The following RBM26 variants were observed in gnomAD, a reference collection of about 807,000 sequenced individuals.
RBM26 encodes the protein RNA binding motif protein 26.
A neutral mutation model predicts 123.6 loss-of-function variants in RBM26; 30 were observed. The observed-to-expected ratio is 0.24, with a 90% confidence interval of 0.18 to 0.33. The LOEUF is 0.33. Among genes scored for constraint, RBM26 ranks in the 10% least tolerant of loss-of-function variants. The pLI is 1.00. For synonymous variants in RBM26, 400 were observed against 404.4 expected (o/e 0.99, Z 0.13); for missense variants, 947 against 1,203.6 (o/e 0.79, Z 3.15).
Position 79,319,018 on chromosome 13 carries a change from A to C in RBM26, c.*1603T>G. ...CTTTTTGAGCAAAGTCACTATTTTGACAACTGAAATCTGATTTTGAAATTT... is the reference window on the plus strand; with the variant it reads ...CTTTTTGAGCAAAGTCACTATTTTGCCAACTGAAATCTGATTTTGAAATTT... On this transcript the variant is annotated 3_prime_UTR_variant, in exon 22 of 22. Coordinates refer to ENST00000438737, the MANE Select transcript of RBM26 (RefSeq NM_001366735.2). The C allele has an allele frequency of 1.0e-6, 1 of 983,208 alleles. No homozygotes were observed. The allele number at this position is 983,208 out of a possible 1,614,324, so 60.9% of individuals were successfully genotyped here. A position where few individuals can be genotyped will look rare whatever the true frequency, so the allele number is the denominator to read the frequency against.
At chr13:79,335,878 T>C (rs1012967632) in intron 19 of RBM26, among the ~76,000 whole-genome samples, 4 of 152,092 alleles carry the variant, frequency 2.6e-5, no homozygotes, top group Admixed American at 6.5e-5. Flanking sequence ...GTGGAAGGTG[T>C]GGAAGTGGGG....
chr13:79,359,887 C>T (rs2139691867), intron 9 of RBM26, among the ~76,000 whole-genome samples: 1 of 151,428 alleles, frequency 6.6e-6, no homozygotes, highest in East Asian at 1.9e-4. Flanking sequence ...TTTCAGTTAT[C>T]TCTAGTCAAC....
chr13:79,355,624 G>A (rs767403718), intron 11 of RBM26, among the ~76,000 whole-genome samples: 12 of 152,178 alleles, frequency 7.9e-5, no homozygotes, highest in Non-Finnish European at 1.6e-4. Flanking sequence ...CTGCATAAAT[G>A]TTACATATAG....
At chr13:79,388,725 A>C (rs1201102763) in intron 1 of RBM26, among the ~76,000 whole-genome samples, 2 of 152,244 alleles carry the variant, frequency 1.3e-5, no homozygotes, top group Non-Finnish European at 2.9e-5. Flanking sequence ...AAGTTTATAA[A>C]GCAGTTTTCA....
chr13:79,312,616 T>G (rs1333927767), exon 5 of RBM26: 1 of 152,056 alleles, frequency 6.6e-6, no homozygotes, highest in East Asian at 1.9e-4. Context: ...AAAACAGCCA[T>G]GCTGAATGAG....
downstream of RBM26, among the ~76,000 whole-genome samples, chr13:79,316,658 A>G (rs1337799660): frequency 2.0e-5 from 3 of 151,858 alleles, no homozygotes; most frequent in East Asian, 5.8e-4. Flanking sequence ...TCAGTTAAAT[A>G]TAAAATTTAA....
intron 1 of RBM26, among the ~76,000 whole-genome samples, chr13:79,402,219 G>T (rs1043189261): frequency 2.0e-5 from 3 of 151,840 alleles, no homozygotes; most frequent in African/African-American, 7.3e-5. Flanking sequence ...TTATTGGCAA[G>T]TATGACTAAG....
intron 9 of RBM26, among the ~76,000 whole-genome samples, chr13:79,362,213 T>C (rs1422960442): frequency 6.6e-6 from 1 of 152,208 alleles, no homozygotes; most frequent in East Asian, 1.9e-4. Context: ...TCCTTCTCAA[T>C]GAATGATATT....
chr13:79,319,737 A>T lies in RBM26; in HGVS notation c.*884T>A. ...ATTTGTTGAAAATTTATAGGATCAAACCAAACTCAAGTGGTATAATTTTTA... is the reference window on the plus strand; with the variant it reads ...ATTTGTTGAAAATTTATAGGATCAATCCAAACTCAAGTGGTATAATTTTTA... On this transcript the variant is annotated 3_prime_UTR_variant, in exon 22 of 22. Coordinates refer to ENST00000438737, the MANE Select transcript of RBM26 (RefSeq NM_001366735.2). 1 of 983,516 alleles carries T rather than the reference A, an allele frequency of 1.0e-6. No homozygotes were observed. Among genetic ancestry groups the T allele is most frequent in the Non-Finnish European group, 1.2e-6 (1 of 828,518 alleles). The allele number at this position is 983,516 out of a possible 1,614,324, so 60.9% of individuals were successfully genotyped here.
chr13:79,344,905 A>C (rs2072050237), intron 14 of RBM26, 111 bp from the exon 15 acceptor site: 1 of 931,186 alleles, frequency 1.1e-6, no homozygotes, highest in Non-Finnish European at 1.6e-6. Flanking sequence ...TTCAAAACAC[A>C]CTGAACTAAA....
At chr13:79,367,687 T>C (rs537344658) in intron 6 of RBM26, among the ~76,000 whole-genome samples, 293 of 152,252 alleles carry the variant, frequency 1.9e-3, no homozygotes, top group African/African-American at 6.7e-3. Context: ...GTAAACTTCC[T>C]GAGGCCTTCA....
intron 1 of RBM26, among the ~76,000 whole-genome samples, chr13:79,403,064 G>C (rs2079186406): frequency 6.6e-6 from 1 of 151,272 alleles, no homozygotes. Context: ...TCAAACAGAG[G>C]TCGTTTGGTA....
downstream of RBM26, among the ~76,000 whole-genome samples, chr13:79,316,698 T>G (rs2138248301): frequency 6.6e-6 from 1 of 151,948 alleles, no homozygotes; most frequent in Admixed American, 6.6e-5. Flanking sequence ...TCCAGTAACA[T>G]TTAAAACAAC....
intron 19 of RBM26, 58 bp downstream of exon 19, chr13:79,337,044 G>A: frequency 6.9e-7 from 1 of 1,457,754 alleles, no homozygotes; most frequent in South Asian, 1.2e-5. Context: ...CTTTAATTAT[G>A]TCTACTATCC....
chr13:79,362,598 C>A (rs1379731537), intron 9 of RBM26, among the ~76,000 whole-genome samples: 1 of 152,162 alleles, frequency 6.6e-6, no homozygotes, highest in African/African-American at 2.4e-5. Flanking sequence ...GTTTCTCTGT[C>A]CAGTGGTACC....
At chr13:79,390,699 G>C (rs2077890692) in intron 1 of RBM26, among the ~76,000 whole-genome samples, 1 of 152,160 alleles carries the variant, frequency 6.6e-6, no homozygotes, top group East Asian at 1.9e-4. Flanking sequence ...GGATAATAGT[G>C]ACAAGCACAC....
intron 1 of RBM26, among the ~76,000 whole-genome samples, chr13:79,399,357 T>C (rs1055240005): frequency 2.6e-5 from 4 of 152,110 alleles, no homozygotes; most frequent in South Asian, 2.1e-4. Flanking sequence ...AATGAATGTA[T>C]AACAATTAAC....
At chr13:79,400,948 C>T (rs2079013198) in intron 1 of RBM26, among the ~76,000 whole-genome samples, 3 of 152,152 alleles carry the variant, frequency 2.0e-5, no homozygotes, top group South Asian at 2.1e-4. Context: ...TTACCAGCGA[C>T]AGGAACAGAA....
chr13:79,336,153 T>C (rs1389633520), intron 19 of RBM26, among the ~76,000 whole-genome samples: 1 of 152,218 alleles, frequency 6.6e-6, no homozygotes, highest in Non-Finnish European at 1.5e-5. Flanking sequence ...AAATCATTTA[T>C]GTACCTACCT....
Sources: allele counts gnomAD v4.1 joint callset (sites outside exome capture counted in the v4.1 genomes callset), GRCh38; gene constraint gnomAD v4.1.1; transcripts MANE v1.5; gene names NCBI Gene and HGNC (gene_info 2026-07-23, HGNC 2026-07-21).